The following MTRF1 variants were observed in gnomAD, a reference collection of about 807,000 sequenced individuals.
MTRF1 encodes mitochondrial translation release factor 1.
MTRF1 carries 51 observed loss-of-function variants against 62.9 expected under a neutral mutation model. The ratio of observed to expected loss-of-function variants is 0.81; its 90% CI spans 0.65 to 1.02. The LOEUF (loss-of-function observed/expected upper bound fraction) is 1.02. MTRF1 is among the 50% of genes least tolerant of loss of function. The probability of loss-of-function intolerance (pLI) is 0.00; values close to 1 mark genes in which losing one functional copy is unlikely to be tolerated. For missense variants in MTRF1, 446 were observed against 530.0 expected, an observed-to-expected ratio of 0.84 and a Z score of 1.56; for synonymous variants, 158 against 181.9, an observed-to-expected ratio of 0.87 and a Z score of 1.06.
At chr13:41,235,409 A>C (rs2036322864) in intron 6 of MTRF1, 2 of 152,234 alleles carry the variant, frequency 1.3e-5, no homozygotes, top group African/African-American at 4.8e-5. Flanking sequence ...TCATTCGTGC[A>C]TGTGTGTGTT....
the MTRF1 span, among the ~76,000 whole-genome samples, chr13:41,294,410 C>T: frequency 7.2e-6 from 1 of 139,120 alleles, no homozygotes; most frequent in East Asian, 2.0e-4. Flanking sequence ...GAGTGAGACT[C>T]CATCTCAAAA....
chr13:41,288,106 A>T, the MTRF1 span: 1 of 492,248 alleles, frequency 2.0e-6, no homozygotes. Flanking sequence ...GTTTACAGAT[A>T]GAATGGGGGC....
At chr13:41,281,441 C>G in the MTRF1 span, among the ~76,000 whole-genome samples, 2 of 151,918 alleles carry the variant, frequency 1.3e-5, no homozygotes, top group African/African-American at 4.8e-5. Flanking sequence ...AAAGCCAGGT[C>G]CAGAGTCAAT....
intron 5 of MTRF1, among the ~76,000 whole-genome samples, chr13:41,248,903 T>C (rs966313419): frequency 2.4e-4 from 37 of 152,202 alleles, no homozygotes; most frequent in Admixed American, 2.0e-3. Flanking sequence ...CTAGAGCCAT[T>C]ACCCTCCACT....
chr13:41,292,024 G>A, the MTRF1 span, among the ~76,000 whole-genome samples: 1 of 152,086 alleles, frequency 6.6e-6, no homozygotes, highest in Non-Finnish European at 1.5e-5. Context: ...AGGAATCTCT[G>A]TTCAATACAA....
chr13:41,308,566 T>C, the MTRF1 span, among the ~76,000 whole-genome samples: 1 of 152,158 alleles, frequency 6.6e-6, no homozygotes, highest in African/African-American at 2.4e-5. Context: ...TTCTGTGTGC[T>C]TGCTCAGTTC....
the MTRF1 span, among the ~76,000 whole-genome samples, chr13:41,273,931 G>C: frequency 1.3e-5 from 2 of 152,328 alleles, no homozygotes; most frequent in African/African-American, 2.4e-5. Flanking sequence ...AGCTGGGAAG[G>C]AGCTTTCAGG....
At chr13:41,264,171 G>A (rs945540993), upstream of MTRF1, among the ~76,000 whole-genome samples, 1 of 152,094 alleles carries the variant, frequency 6.6e-6, no homozygotes, top group African/African-American at 2.4e-5. Flanking sequence ...AGCTTCCATT[G>A]CTTCAGAAAA....
Position 41,263,490 on chromosome 13 carries a change from A to T in MTRF1, c.-14T>A, listed in dbSNP as rs1463979685. 3.3e-6 allele frequency: 1 copy of T among 306,866 alleles called. No individual in the cohort carries two copies. Among genetic ancestry groups the T allele is most frequent in the Non-Finnish European group, 6.6e-6 (1 of 152,556 alleles). The allele number at this position is 306,866 out of a possible 1,614,324, so 19.0% of individuals were successfully genotyped here. A position where few individuals can be genotyped will look rare whatever the true frequency, so the allele number is the denominator to read the frequency against. ...CAGGAAAGAACTGTGAGTACCTAAG[A>T]AAAAGAAGAATACACGTTAGCTCTC... On this transcript the variant is annotated 5_prime_UTR_variant, in exon 1 of 10. Transcript: ENST00000379480.
chr13:41,231,841 G>A (rs2035615620), intron 7 of MTRF1, among the ~76,000 whole-genome samples: 1 of 141,882 alleles, frequency 7.0e-6, no homozygotes, highest in Non-Finnish European at 1.5e-5. Flanking sequence ...AGGAGTTGGA[G>A]ACCAGCTTGG....
chr13:41,275,970 C>T, the MTRF1 span, among the ~76,000 whole-genome samples: 97 of 152,160 alleles, frequency 6.4e-4, 1 homozygote, highest in Middle Eastern at 6.8e-3. Context: ...CTCCATTGTA[C>T]GCAATTTGCA....
chr13:41,299,913 C>T, the MTRF1 span, among the ~76,000 whole-genome samples: 1 of 152,168 alleles, frequency 6.6e-6, no homozygotes. Flanking sequence ...TCCTACCGAA[C>T]AGTAGAGTTT....
upstream of MTRF1, among the ~76,000 whole-genome samples, chr13:41,267,939 C>CTTA (rs1040880756): frequency 6.6e-6 from 1 of 151,470 alleles, no homozygotes; most frequent in Non-Finnish European, 1.5e-5. Context: ...TTATTTTAAT[C>CTTA]TTATTATTAT....
chr13:41,291,512 G>A, the MTRF1 span, among the ~76,000 whole-genome samples: 22 of 152,134 alleles, frequency 1.4e-4, no homozygotes, highest in South Asian at 3.7e-3. Flanking sequence ...AAGATTTAGC[G>A]ACTTTCTCCC....
At chr13:41,245,932 G>A (rs993355203) in intron 5 of MTRF1, among the ~76,000 whole-genome samples, 28 of 152,102 alleles carry the variant, frequency 1.8e-4, no homozygotes, top group Non-Finnish European at 3.1e-4. Context: ...CCTCCCAGCA[G>A]TCCTTCCTCA....
At chr13:41,254,741 C>T in intron 2 of MTRF1, 121 bp from the exon 3 acceptor site, 1 of 606,424 alleles carries the variant, frequency 1.6e-6, no homozygotes, top group East Asian at 2.9e-5. Context: ...AGGGATTATA[C>T]AAAGGAACAT....
At position 41,238,909 on chromosome 13, in the gene MTRF1, G is replaced by A. The variant is rs143753566; in HGVS notation, c.870+1352C>T. On this transcript the variant is annotated intron_variant, in intron 6 of 9. Transcript: ENST00000379480. ...GATATAACTTTCAACATAATACAGA[G>A]GATAAAGGAACAAGTTAAAGAGTAC... 3.3e-3 allele frequency among the ~76,000 whole-genome samples: 507 copies of A among 152,010 alleles called. 3 individuals are homozygous for A. Among genetic ancestry groups the A allele is most frequent in the African/African-American group, 0.012 (487 of 41,450 alleles).
chr13:41,222,539 G>C (rs2033607738), intron 9 of MTRF1, among the ~76,000 whole-genome samples: 1 of 152,178 alleles, frequency 6.6e-6, no homozygotes. Flanking sequence ...TTAATCAAAA[G>C]GAACATTATC....
the MTRF1 span, among the ~76,000 whole-genome samples, chr13:41,299,343 G>A: frequency 6.6e-6 from 1 of 152,136 alleles, no homozygotes; most frequent in Non-Finnish European, 1.5e-5. Context: ...TAGAGGCTAA[G>A]TACCATTGAA....
Sources: gnomAD v4.1 joint callset for allele counts (sites outside exome capture counted in the v4.1 genomes callset) on GRCh38, gnomAD v4.1.1 for gene constraint, MANE v1.5 for transcripts, NCBI Gene and HGNC (gene_info 2026-07-23, HGNC 2026-07-21) for gene names.